The following SERPINI2 variants were observed in gnomAD, a reference collection of about 807,000 sequenced individuals.
The protein encoded by SERPINI2 is serpin family I member 2, also known as serpin I2.
In SERPINI2, 48 loss-of-function variants were observed where a neutral mutation model predicts 47.3. The observed-to-expected ratio is 1.02, with a 90% CI of 0.81 to 1.29. The LOEUF (loss-of-function observed/expected upper bound fraction) is 1.29. Ranked by LOEUF, SERPINI2 falls within the 50% of genes most tolerant of loss-of-function variation. SERPINI2 has a pLI of 0.00. For synonymous variants in SERPINI2, 135 were observed against 149.3 expected (o/e 0.90, Z 0.70); for missense variants, 448 against 456.9 (o/e 0.98, Z 0.18).
intron 2 of SERPINI2, 92 bp downstream of exon 2, chr3:167,471,496 T>G: frequency 1.6e-6 from 2 of 1,258,778 alleles, no homozygotes; most frequent in Non-Finnish European, 2.2e-6. Context: ...CATTTTCACT[T>G]ATTAAAATTT....
At chr3:167,475,569 G>A (rs1415649651), upstream of SERPINI2, among the ~76,000 whole-genome samples, 1 of 151,792 alleles carries the variant, frequency 6.6e-6, no homozygotes, top group Non-Finnish European at 1.5e-5. Flanking sequence ...CTCTTGAGGA[G>A]TAAAAAGCAA....
At chr3:167,476,828 T>TA (rs569423481), upstream of SERPINI2, among the ~76,000 whole-genome samples, 37 of 152,002 alleles carry the variant, frequency 2.4e-4, no homozygotes, top group Non-Finnish European at 4.1e-4. Context: ...CTTCAATACT[T>TA]ACATGAGGGA....
chr3:167,458,423 T>C (rs529911194), intron 5 of SERPINI2, among the ~76,000 whole-genome samples: 1 of 126,970 alleles, frequency 7.9e-6, no homozygotes, highest in African/African-American at 2.9e-5. Context: ...GCTAATTGTT[T>C]GTATTTTTTT....
At chr3:167,454,265 G>A (rs890047614) in intron 5 of SERPINI2, among the ~76,000 whole-genome samples, 3 of 152,176 alleles carry the variant, frequency 2.0e-5, no homozygotes, top group African/African-American at 7.2e-5. Flanking sequence ...AACATGCTGT[G>A]GCAGAACTCT....
chr3:167,469,373 T>C (rs1750243137), intron 2 of SERPINI2: 1 of 152,130 alleles, frequency 6.6e-6, no homozygotes, highest in African/African-American at 2.4e-5. Flanking sequence ...GATCCAAAGA[T>C]GAAAACAAAC....
rs35442310 is a variant in SERPINI2, at chr3:167,449,364, CT to C, written c.1002del (p.Val335PhefsTer5). 3.7e-6 allele frequency: 6 copies of C among 1,612,932 alleles called. No individual in the cohort carries two copies. Among genetic ancestry groups the C allele is most frequent in the Non-Finnish European group, 5.1e-6 (6 of 1,179,354 alleles). Reference sequence around the variant, plus strand: ...CCATCTTCATTTATCTCAAAGAAAACTTTTTGCGTCACTTGGGAAACATACA... The same window carrying C: ...CCATCTTCATTTATCTCAAAGAAAACTTTTGCGTCACTTGGGAAACATACA... On this transcript the variant is annotated frameshift_variant, in exon 7 of 9. Coordinates refer to ENST00000264677, the Ensembl canonical transcript of SERPINI2. LOFTEE classifies it high-confidence loss of function.
upstream of SERPINI2, among the ~76,000 whole-genome samples, chr3:167,476,367 A>G (rs1750479190): frequency 6.6e-6 from 1 of 152,020 alleles, no homozygotes; most frequent in East Asian, 1.9e-4. Flanking sequence ...TCTCCAAATT[A>G]TTAGAAACAG....
At position 167,467,247 on chromosome 3, in the gene SERPINI2, T is replaced by C. The variant is rs1237188233; in HGVS notation, c.286A>G (p.Ile96Val). The C allele has an allele frequency of 5.0e-6, 8 of 1,612,720 alleles. No individual in the cohort carries two copies. In the East Asian group the frequency reaches 1.6e-4, roughly 32 times the overall value. Residue 96 changes from isoleucine (I) to valine (V), a missense_variant, in exon 3 of 9, where the codon ATC becomes GTC. Physicochemically the swap from Ile to Val is conservative, Grantham distance 29. Transcript: ENST00000264677. ...GTAAATTCTTGTTTTTTCTCTGAGATGGCAGAGAAAAATGACTTCAGTACA... is the reference window on the plus strand; with the variant it reads ...GTAAATTCTTGTTTTTTCTCTGAGACGGCAGAGAAAAATGACTTCAGTACA...
rs370529412 is a variant in SERPINI2, at chr3:167,459,023, TGGC to T, written c.867-5993_867-5991del. Among the ~76,000 whole-genome samples, 714 of 152,084 alleles carry T rather than the reference TGGC, an allele frequency of 4.7e-3. 4 individuals are homozygous for T. Among genetic ancestry groups the T allele is most frequent in the African/African-American group, 0.016 (671 of 41,396 alleles). On this transcript the variant is annotated intron_variant, in intron 5 of 8. Coordinates refer to ENST00000264677, the Ensembl canonical transcript of SERPINI2. ...AATGATTCTTCTACAGAGAAGAATC[TGGC>T]GGCGTATAGCAATTATGTTTTAGAT... is the stretch of plus-strand genomic sequence containing the variant.
At chr3:167,446,598 T>C (rs1409957073) in intron 7 of SERPINI2, 117 bp from the exon 8 acceptor site, 1 of 602,604 alleles carries the variant, frequency 1.7e-6, no homozygotes, top group Non-Finnish European at 2.8e-6. Flanking sequence ...AGTTAACATG[T>C]GGAAAAATAA....
At chr3:167,450,085 A>G (rs1749602538) in intron 6 of SERPINI2, among the ~76,000 whole-genome samples, 1 of 152,236 alleles carries the variant, frequency 6.6e-6, no homozygotes, top group African/African-American at 2.4e-5. Flanking sequence ...CACCCTGTAT[A>G]TTTAACCTCA....
rs1371716430 is a variant in SERPINI2 at position 167,446,492 on chromosome 3, G to A, written c.1052-11C>T. ...CAGGGATGTGTATGCCTATAAAATAGAGACAACAGTTATTTAGATACTTGC... is the reference window on the plus strand; with the variant it reads ...CAGGGATGTGTATGCCTATAAAATAAAGACAACAGTTATTTAGATACTTGC... On this transcript the variant is annotated splice_polypyrimidine_tract_variant and intron_variant, in intron 7 of 8. Coordinates refer to ENST00000264677, the Ensembl canonical transcript of SERPINI2. The A allele has an allele frequency of 6.6e-7, 1 of 1,510,404 alleles. No individual in the cohort carries two copies. Among genetic ancestry groups the A allele is most frequent in the Non-Finnish European group, 9.1e-7 (1 of 1,099,056 alleles). 93.6% of individuals were successfully genotyped at this position (1,510,404 alleles called of 1,614,324 possible).
chr3:167,469,920 G>GTA (rs948376434), intron 2 of SERPINI2, among the ~76,000 whole-genome samples: 5 of 152,044 alleles, frequency 3.3e-5, no homozygotes, highest in African/African-American at 1.2e-4. Context: ...ACTTAACAAA[G>GTA]TAATTATAAA....
At chr3:167,454,581 G>A (rs1330174456) in intron 5 of SERPINI2, among the ~76,000 whole-genome samples, 1 of 152,070 alleles carries the variant, frequency 6.6e-6, no homozygotes, top group African/African-American at 2.4e-5. Context: ...ACCTATAAAT[G>A]GGCTATAATA....
intron 5 of SERPINI2, among the ~76,000 whole-genome samples, chr3:167,464,809 A>G (rs1400871709): frequency 6.6e-6 from 1 of 152,216 alleles, no homozygotes; most frequent in Non-Finnish European, 1.5e-5. Context: ...TCAAAGTGAT[A>G]TAACATATCT....
At chr3:167,458,669 G>T (rs1348006301) in intron 5 of SERPINI2, among the ~76,000 whole-genome samples, 1 of 152,008 alleles carries the variant, frequency 6.6e-6, no homozygotes, top group African/African-American at 2.4e-5. Flanking sequence ...CCAGCCTCTT[G>T]CCCACAGTAG....
chr3:167,444,128 T>C (rs1749403048), intron 8 of SERPINI2, among the ~76,000 whole-genome samples: 1 of 152,126 alleles, frequency 6.6e-6, no homozygotes, highest in African/African-American at 2.4e-5. Context: ...CTAAACACAA[T>C]AACTTTCATT....
chr3:167,446,698 C>T (rs551870544), intron 7 of SERPINI2: 27 of 316,326 alleles, frequency 8.5e-5, no homozygotes, highest in African/African-American at 5.4e-4. Context: ...ATAATTCTAA[C>T]TTTATATGTA....
At chr3:167,450,900 C>G (rs535873237) in intron 6 of SERPINI2, among the ~76,000 whole-genome samples, 1 of 152,108 alleles carries the variant, frequency 6.6e-6, no homozygotes, top group Non-Finnish European at 1.5e-5. Flanking sequence ...AGAGAAAGCC[C>G]AGTCTTAGGA....
Sources: allele counts gnomAD v4.1 joint callset (sites outside exome capture counted in the v4.1 genomes callset), GRCh38; gene constraint gnomAD v4.1.1; transcripts MANE v1.5; gene names NCBI Gene and HGNC (gene_info 2026-07-23, HGNC 2026-07-21).